The following KCNJ6 variants were observed in gnomAD, a reference collection of about 807,000 sequenced individuals.
KCNJ6 encodes the protein G protein-activated inward rectifier potassium channel 2.
A neutral mutation model predicts 34.2 loss-of-function variants in KCNJ6; 9 were observed. The observed-to-expected ratio is 0.26, with a 90% CI of 0.16 to 0.46. The LOEUF (loss-of-function observed/expected upper bound fraction) is 0.46. KCNJ6 is among the 20% of genes least tolerant of loss of function. The probability of loss-of-function intolerance (pLI) is 1.00; values close to 1 mark genes in which losing one functional copy is unlikely to be tolerated. For missense variants in KCNJ6, 236 were observed against 531.3 expected, an observed-to-expected ratio of 0.44 and a Z score of 5.46; for synonymous variants, 196 against 207.1, an observed-to-expected ratio of 0.95 and a Z score of 0.46.
intron 2 of KCNJ6, among the ~76,000 whole-genome samples, chr21:37,737,678 T>G (rs1431825892): frequency 6.6e-6 from 1 of 152,204 alleles, no homozygotes; most frequent in African/African-American, 2.4e-5. Flanking sequence ...ACAGGGTTTC[T>G]GGGGACAGAG....
At chr21:37,832,507 A>G (rs2055431155) in intron 2 of KCNJ6, among the ~76,000 whole-genome samples, 1 of 152,236 alleles carries the variant, frequency 6.6e-6, no homozygotes, top group South Asian at 2.1e-4. Context: ...ATGGGCTCCC[A>G]TCTAGAATTC....
chr21:37,823,739 G>C (rs2055385247), intron 2 of KCNJ6, among the ~76,000 whole-genome samples: 1 of 152,316 alleles, frequency 6.6e-6, no homozygotes, highest in South Asian at 2.1e-4. Context: ...AAATTATCCA[G>C]TCTCAGGTAG....
chr21:37,754,875 G>A (rs778165080), intron 2 of KCNJ6, among the ~76,000 whole-genome samples: 6 of 152,308 alleles, frequency 3.9e-5, no homozygotes, highest in South Asian at 2.1e-4. Context: ...TTGAGGCACC[G>A]TCTCAGAGCT....
At chr21:37,735,802 G>A (rs2054909846) in intron 2 of KCNJ6, among the ~76,000 whole-genome samples, 1 of 152,194 alleles carries the variant, frequency 6.6e-6, no homozygotes, top group African/African-American at 2.4e-5. Flanking sequence ...CGGCAGCTGT[G>A]GCAGTGGCAG....
At position 37,715,551 on chromosome 21, in the gene KCNJ6, C is replaced by T. The variant is rs147928477; in HGVS notation, c.26-420G>A. Among the ~76,000 whole-genome samples the T allele has an allele frequency of 9.9e-4, 151 of 152,334 alleles. 1 individual carries two copies. Among genetic ancestry groups the T allele is most frequent in the Admixed American group, 1.7e-3 (26 of 15,306 alleles). ...TAGCAACTCTTAGTGGGCTCTTGGC[C>T]ATGATATCTGTTATGGACTGTATTG... On this transcript the variant is annotated intron_variant, in intron 2 of 3. Transcript: ENST00000609713.
intron 2 of KCNJ6, among the ~76,000 whole-genome samples, chr21:37,814,978 T>C (rs567211456): frequency 4.0e-5 from 6 of 151,500 alleles, no homozygotes; most frequent in South Asian, 4.2e-4. Flanking sequence ...ATGGAAGGAA[T>C]TGCAGGTCAT....
At chr21:37,871,100 C>G (rs751145753) in intron 1 of KCNJ6, among the ~76,000 whole-genome samples, 3 of 152,102 alleles carry the variant, frequency 2.0e-5, no homozygotes, top group Non-Finnish European at 2.9e-5. Flanking sequence ...GAGGGCTCCA[C>G]TGACTGCCAT....
intron 2 of KCNJ6, among the ~76,000 whole-genome samples, chr21:37,824,484 C>T (rs1413373874): frequency 6.6e-6 from 1 of 152,076 alleles, no homozygotes; most frequent in Non-Finnish European, 1.5e-5. Flanking sequence ...GGCAAGTTCT[C>T]TCCCAGGCAT....
At chr21:37,738,793 G>GT (rs1569454611) in intron 2 of KCNJ6, among the ~76,000 whole-genome samples, 1 of 152,200 alleles carries the variant, frequency 6.6e-6, no homozygotes, top group Non-Finnish European at 1.5e-5. Context: ...GGATAATGCT[G>GT]TTGAAAACAC....
chr21:37,863,737 C>T lies in KCNJ6; in HGVS notation c.-27-23028G>A, dbSNP rs137891510. Among the ~76,000 whole-genome samples, 17 of 151,834 alleles carry T rather than the reference C, an allele frequency of 1.1e-4. No homozygotes were observed. The East Asian group carries it at 3.1e-3, about 28-fold the overall frequency. ...GCCCCACTTCTAAAATAATATTTAG[C>T]TGCTACTTATGTGCACTGCTGTAAC... On this transcript the variant is annotated intron_variant, in intron 1 of 3. Coordinates refer to ENST00000609713, the MANE Select transcript of KCNJ6 (RefSeq NM_002240.5).
At chr21:37,664,459 A>G (rs1025455801) in intron 3 of KCNJ6, among the ~76,000 whole-genome samples, 1 of 152,164 alleles carries the variant, frequency 6.6e-6, no homozygotes, top group African/African-American at 2.4e-5. Flanking sequence ...ACAGTAAAAA[A>G]ATATATAATT....
At position 37,645,243 on chromosome 21, in the gene KCNJ6, C is replaced by T. The variant is rs910273328; in HGVS notation, c.947-19759G>A. 2.0e-5 allele frequency among the ~76,000 whole-genome samples: 3 copies of T among 151,806 alleles called. No individual in the cohort carries two copies. In the East Asian group the frequency reaches 5.8e-4, roughly 29 times the overall value. On this transcript the variant is annotated intron_variant, in intron 3 of 3. Coordinates refer to ENST00000609713, the MANE Select transcript of KCNJ6 (RefSeq NM_002240.5). ...AAAACAAATTTAGCTGGGTGTGGTC[C>T]CAGCTACTCAGGAGGGGAGGCTGAA... is the stretch of plus-strand genomic sequence containing the variant.
At chr21:37,776,198 G>A (rs2055141357) in intron 2 of KCNJ6, among the ~76,000 whole-genome samples, 1 of 152,172 alleles carries the variant, frequency 6.6e-6, no homozygotes, top group South Asian at 2.1e-4. Flanking sequence ...CGTTGATTTT[G>A]TATCCTGAGA....
intron 1 of KCNJ6, among the ~76,000 whole-genome samples, chr21:37,883,061 C>T (rs1361777123): frequency 6.6e-6 from 1 of 152,188 alleles, no homozygotes; most frequent in Non-Finnish European, 1.5e-5. Flanking sequence ...CGCTTTTACG[C>T]CGGTGCAGGC....
At chr21:37,892,465 T>C (rs2055766870) in intron 1 of KCNJ6, among the ~76,000 whole-genome samples, 2 of 152,338 alleles carry the variant, frequency 1.3e-5, no homozygotes, top group South Asian at 4.1e-4. Flanking sequence ...ATTTCTTGTT[T>C]ATTAGTTTAG....
chr21:37,728,412 G>A (rs186544516), intron 2 of KCNJ6, among the ~76,000 whole-genome samples: 27 of 152,274 alleles, frequency 1.8e-4, no homozygotes, highest in Middle Eastern at 3.4e-3. Context: ...TGAAGTGTGC[G>A]CTTTAAGAAT....
chr21:37,752,884 T>TA (rs2055003242), intron 2 of KCNJ6, among the ~76,000 whole-genome samples: 3 of 152,188 alleles, frequency 2.0e-5, no homozygotes, highest in Admixed American at 1.3e-4. Flanking sequence ...AACTGTAGGC[T>TA]CTGCCCCTGC....
chr21:37,877,321 T>C (rs1219228432), intron 1 of KCNJ6, among the ~76,000 whole-genome samples: 1 of 152,180 alleles, frequency 6.6e-6, no homozygotes, highest in Non-Finnish European at 1.5e-5. Flanking sequence ...GTTTCTACCA[T>C]GAAATACACA....
intron 2 of KCNJ6, among the ~76,000 whole-genome samples, chr21:37,792,436 C>A (rs2055221329): frequency 6.6e-6 from 1 of 152,208 alleles, no homozygotes; most frequent in East Asian, 1.9e-4. Flanking sequence ...TCTCTCTTTG[C>A]CCATTTCCTT....
Sources: allele counts gnomAD v4.1 joint callset (sites outside exome capture counted in the v4.1 genomes callset), GRCh38; gene constraint gnomAD v4.1.1; transcripts MANE v1.5; gene names NCBI Gene and HGNC (gene_info 2026-07-23, HGNC 2026-07-21).